Variants in GUF1 observed in about 807,000 individuals in gnomAD.
GUF1 encodes GTP binding elongation factor GUF1, also known as translation factor GUF1, mitochondrial.
In GUF1, 78 loss-of-function variants were observed where a neutral mutation model predicts 82.4. The observed-to-expected ratio is 0.95, with a 90% CI of 0.79 to 1.14. The LOEUF (loss-of-function observed/expected upper bound fraction) is 1.14, where lower values mean the gene tolerates loss of function less well. Ranked by LOEUF, GUF1 falls within the 50% of genes most tolerant of loss-of-function variation. The pLI, the probability that GUF1 is intolerant of heterozygous loss-of-function variation, is 0.00. For missense variants in GUF1, 814 were observed against 798.2 expected (o/e 1.02, Z -0.24); for synonymous variants, 279 against 282.3 (o/e 0.99, Z 0.12).
At position 44,690,698 on chromosome 4, in the gene GUF1, T is replaced by G. The variant is rs375251889; in HGVS notation, c.1336-19T>G. The stretch of plus-strand genomic sequence containing the variant: ...ATTATATTAAGATTTTAAGTATTGC[T>G]GATTTTTCTAATTTTTAGGAACATA... On this transcript the variant is annotated intron_variant, in intron 11 of 16. Transcript: ENST00000281543. The G allele has an allele frequency of 2.8e-6, 4 of 1,436,740 alleles. No homozygotes were observed. The African/African-American group carries it at 5.7e-5, about 21-fold the overall frequency. 89.0% of individuals were successfully genotyped at this position (1,436,740 alleles called of 1,614,324 possible). A position where few individuals can be genotyped will look rare whatever the true frequency, so the allele number is the denominator to read the frequency against.
chr4:44,681,315 T>G, intron 4 of GUF1, 112 bp downstream of exon 4: 3 of 747,258 alleles, frequency 4.0e-6, no homozygotes, highest in Non-Finnish European at 6.9e-6. Flanking sequence ...GAAAAATAGA[T>G]TTAATCTGTT....
At chr4:44,695,056 G>A (rs1172352763) in intron 14 of GUF1, among the ~76,000 whole-genome samples, 1 of 151,960 alleles carries the variant, frequency 6.6e-6, no homozygotes, top group African/African-American at 2.4e-5. Flanking sequence ...TGCCCGCCTC[G>A]GCCTCCCAAA....
chr4:44,700,205 A>C lies in GUF1; in HGVS notation c.*1524A>C, dbSNP rs1395193769. On this transcript the variant is annotated 3_prime_UTR_variant, in exon 17 of 17. Coordinates refer to ENST00000281543, the MANE Select transcript of GUF1 (RefSeq NM_021927.3). ...CAAAGGGAAGTCAAGCTGGGAACTG[A>C]TTGAGGCAAACCTGCCTCCCATTTT... The C allele has an allele frequency of 6.6e-6, 1 of 152,248 alleles. No homozygotes were observed. Among genetic ancestry groups the C allele is most frequent in the African/African-American group, 2.4e-5 (1 of 41,470 alleles). The allele number at this position is 152,248 out of a possible 1,614,324, so 9.4% of individuals were successfully genotyped here.
Position 44,698,694 on chromosome 4 carries a change from C to G in GUF1, c.*13C>G, listed in dbSNP as rs1560351353. 1.3e-6 allele frequency: 2 copies of G among 1,575,454 alleles called. No individual in the cohort carries two copies. Among genetic ancestry groups the G allele is most frequent in the South Asian group, 2.4e-5 (2 of 84,242 alleles). ...ATCTTCTAAATAATTGGTGGGAAAA[C>G]AAAGAATTTTCATTGCAATTTGTAA... On this transcript the variant is annotated 3_prime_UTR_variant, in exon 17 of 17. Coordinates refer to ENST00000281543, the MANE Select transcript of GUF1 (RefSeq NM_021927.3).
intron 7 of GUF1, among the ~76,000 whole-genome samples, 191 bp from the exon 8 acceptor site, chr4:44,686,319 A>G (rs1050987975): frequency 3.3e-5 from 5 of 152,074 alleles, no homozygotes; most frequent in Non-Finnish European, 1.5e-5. Flanking sequence ...CTGAACAAAT[A>G]TATTCATAAA....
chr4:44,696,741 G>GA (rs1715850370), intron 15 of GUF1, among the ~76,000 whole-genome samples: 1 of 152,182 alleles, frequency 6.6e-6, no homozygotes, highest in African/African-American at 2.4e-5. Flanking sequence ...TAAATACTGA[G>GA]ATCAGGCAGA....
chr4:44,681,366 A>G (rs1714764101), intron 4 of GUF1, among the ~76,000 whole-genome samples, 163 bp downstream of exon 4: 2 of 152,096 alleles, frequency 1.3e-5, no homozygotes, highest in African/African-American at 2.4e-5. Context: ...TTAATCTGAA[A>G]TATTATTACA....
chr4:44,698,508 T>A, intron 16 of GUF1, 36 bp from the exon 17 acceptor site: 1 of 1,521,628 alleles, frequency 6.6e-7, no homozygotes, highest in African/African-American at 1.4e-5. Context: ...CTCTTTAGAG[T>A]GACTTAGACT....
In GUF1 at chr4:44,678,719, G is replaced by T; in HGVS notation, c.97G>T (p.Ala33Ser). The stretch of plus-strand genomic sequence containing the variant: ...TCTGGTGGCCCCGGGGCCCCGGTCC[G>T]CGCCGACCCTTGGGGCTGCTCCAGA... ...ALLVAPGPRSAPTLGAAPESW... is the reference protein window; with the variant it reads ...ALLVAPGPRSSPTLGAAPESW... Residue 33 changes from alanine to serine, a missense_variant, in exon 1 of 17, where the codon GCG (alanine) becomes TCG (serine). Coordinates refer to ENST00000281543, the MANE Select transcript of GUF1 (RefSeq NM_021927.3). The T allele has an allele frequency of 1.3e-6, 2 of 1,517,100 alleles. No individual in the cohort carries two copies. Among genetic ancestry groups the T allele is most frequent in the Non-Finnish European group, 1.7e-6 (2 of 1,145,744 alleles). The allele number at this position is 1,517,100 out of a possible 1,614,324, so 94.0% of individuals were successfully genotyped here.
At chr4:44,684,070 A>G (rs576139625) in intron 6 of GUF1, among the ~76,000 whole-genome samples, 2 of 152,224 alleles carry the variant, frequency 1.3e-5, no homozygotes, top group Non-Finnish European at 2.9e-5. Context: ...AGAGTATGGC[A>G]GTGAATAAGA....
chr4:44,681,001 A>T (rs1714741120), intron 3 of GUF1, 122 bp from the exon 4 acceptor site: 2 of 1,115,158 alleles, frequency 1.8e-6, no homozygotes, highest in African/African-American at 1.6e-5. Context: ...TCAAAAGTGC[A>T]GGCTACAAAA....
At position 44,678,483 on chromosome 4, in the gene GUF1, C is replaced by T. The variant is rs1438795231; in HGVS notation, c.-140C>T. On this transcript the variant is annotated 5_prime_UTR_variant, in exon 1 of 17. Transcript: ENST00000281543. ...CGGATCTGGTACTTGGGCAGAGCTC[C>T]CCGGGGTTCATTGTCTTCGCTTCAC... The T allele has an allele frequency of 4.4e-6, 3 of 678,800 alleles. No homozygotes were observed. Among genetic ancestry groups the T allele is most frequent in the Admixed American group, 4.3e-5 (1 of 23,140 alleles). The allele number at this position is 678,800 out of a possible 1,614,324, so 42.0% of individuals were successfully genotyped here.
intron 3 of GUF1, 135 bp downstream of exon 3, chr4:44,680,977 T>C (rs984999399): frequency 1.9e-6 from 2 of 1,064,980 alleles, no homozygotes; most frequent in African/African-American, 3.2e-5. Context: ...GTTCTTATGT[T>C]AGTGTCAGTT....
At chr4:44,689,614 C>T (rs985604315) in intron 10 of GUF1, among the ~76,000 whole-genome samples, 10 of 151,590 alleles carry the variant, frequency 6.6e-5, no homozygotes, top group African/African-American at 9.7e-5. Context: ...GCCTGTTTCA[C>T]GTTGCGGATT....
At chr4:44,685,569 CCA>C (rs1315553778) in intron 6 of GUF1, among the ~76,000 whole-genome samples, 3 of 152,000 alleles carry the variant, frequency 2.0e-5, no homozygotes, top group Non-Finnish European at 4.4e-5. Context: ...CATTGTTTAT[CCA>C]CACAACAACC....
At chr4:44,688,546 T>C (rs900934844) in intron 9 of GUF1, among the ~76,000 whole-genome samples, 3 of 151,948 alleles carry the variant, frequency 2.0e-5, no homozygotes, top group African/African-American at 7.2e-5. Context: ...ACTGTACTAA[T>C]GTAGATATGA....
At chr4:44,691,930 G>A (rs1399590129) in intron 13 of GUF1, 131 bp downstream of exon 13, 1 of 655,202 alleles carries the variant, frequency 1.5e-6, no homozygotes, top group Admixed American at 3.1e-5. Flanking sequence ...ATACTCTAAG[G>A]TTAGAATGAC....
At position 44,680,898 on chromosome 4, in the gene GUF1, G is replaced by A. The variant is rs1328876375; in HGVS notation, c.426+56G>A. The A allele has an allele frequency of 7.1e-6, 10 of 1,417,454 alleles. No individual in the cohort carries two copies. The Admixed American group carries it at 7.6e-5, about 11-fold the overall frequency. The allele number at this position is 1,417,454 out of a possible 1,614,324, so 87.8% of individuals were successfully genotyped here. A position where few individuals can be genotyped will look rare whatever the true frequency, so the allele number is the denominator to read the frequency against. On this transcript the variant is annotated intron_variant, in intron 3 of 16. Coordinates refer to ENST00000281543, the MANE Select transcript of GUF1 (RefSeq NM_021927.3). ...TTAAAGTCAACATTGTGTCAGTAGT[G>A]CAAACAGATCCTTGTTTAATTTTTG...
At chr4:44,688,787 G>A (rs1292781600) in intron 9 of GUF1, among the ~76,000 whole-genome samples, 4 of 151,914 alleles carry the variant, frequency 2.6e-5, no homozygotes, top group Admixed American at 2.6e-4. Flanking sequence ...AGATGAAAGA[G>A]AATCAGTAGT....
Sources: gnomAD v4.1 joint callset for allele counts (sites outside exome capture counted in the v4.1 genomes callset) on GRCh38, gnomAD v4.1.1 for gene constraint, MANE v1.5 for transcripts, NCBI Gene and HGNC (gene_info 2026-07-23, HGNC 2026-07-21) for gene names.